The following GPC5 variants were observed in gnomAD, a reference collection of about 807,000 sequenced individuals.
GPC5 encodes the protein glypican-5.
A neutral mutation model predicts 53.9 loss-of-function variants in GPC5; 47 were observed. That is an observed-to-expected ratio of 0.87 (90% CI 0.69 to 1.11). The LOEUF is 1.11. Among genes scored for constraint, GPC5 ranks in the 50% most tolerant of loss-of-function variants. The pLI is 0.00. For synonymous variants in GPC5, 286 were observed against 263.3 expected (o/e 1.09, Z -0.84); for missense variants, 748 against 713.1 (o/e 1.05, Z -0.56).
intron 7 of GPC5, among the ~76,000 whole-genome samples, chr13:92,618,909 G>A (rs567385273): frequency 1.3e-3 from 199 of 151,900 alleles, no homozygotes; most frequent in Non-Finnish European, 2.1e-3. Context: ...AACAATTGAA[G>A]AATTTATTAA....
chr13:91,464,183 C>T (rs1249088761), intron 2 of GPC5, among the ~76,000 whole-genome samples: 2 of 151,972 alleles, frequency 1.3e-5, no homozygotes, highest in Non-Finnish European at 2.9e-5. Flanking sequence ...AATGAGATAT[C>T]ACTACACCCT....
At chr13:91,407,094 A>G (rs1237404276) in intron 1 of GPC5, among the ~76,000 whole-genome samples, 1 of 152,138 alleles carries the variant, frequency 6.6e-6, no homozygotes, top group Non-Finnish European at 1.5e-5. Context: ...ATTGAATCTT[A>G]TTTTTGTAGA....
chr13:92,036,016 C>T (rs1399824413), intron 6 of GPC5, among the ~76,000 whole-genome samples: 1 of 152,110 alleles, frequency 6.6e-6, no homozygotes, highest in Admixed American at 6.5e-5. Flanking sequence ...TTCAAACTGG[C>T]CCCCGGGGTT....
At chr13:92,125,148 G>A (rs191139385) in intron 6 of GPC5, among the ~76,000 whole-genome samples, 15 of 152,198 alleles carry the variant, frequency 9.9e-5, no homozygotes, top group Non-Finnish European at 7.4e-5. Context: ...AGGAACCAAC[G>A]GAGTCTATAG....
At position 91,573,069 on chromosome 13, in the gene GPC5, T is replaced by C. The variant is rs146019622; in HGVS notation, c.326-120118T>C. Among the ~76,000 whole-genome samples the C allele has an allele frequency of 7.4e-3, 1,131 of 152,284 alleles. 20 individuals carry two copies. The highest frequency in any genetic ancestry group is 0.012 in the South Asian group (59 of 4,826). On this transcript the variant is annotated intron_variant, in intron 2 of 7. Transcript: ENST00000377067. The stretch of plus-strand genomic sequence containing the variant: ...GGCCCCTGTTACTTTGATTCTTCAG[T>C]GATCTCCTGATGTTCTGGGAAGAAA...
At chr13:91,793,057 G>T (rs2037992974) in intron 5 of GPC5, among the ~76,000 whole-genome samples, 2 of 152,224 alleles carry the variant, frequency 1.3e-5, no homozygotes, top group Non-Finnish European at 2.9e-5. Flanking sequence ...GTATTAGTCT[G>T]TTCTCATTCT....
intron 6 of GPC5, among the ~76,000 whole-genome samples, chr13:92,057,173 C>T (rs193010656): frequency 2.0e-5 from 3 of 152,234 alleles, no homozygotes; most frequent in East Asian, 1.9e-4. Context: ...CTCTTTCTCC[C>T]TCATAGAAGC....
chr13:92,258,832 A>C (rs1412400612), intron 7 of GPC5, among the ~76,000 whole-genome samples: 1 of 152,154 alleles, frequency 6.6e-6, no homozygotes, highest in Non-Finnish European at 1.5e-5. Flanking sequence ...AGTCCCAACT[A>C]CATGGGAGGC....
chr13:92,519,518 T>C (rs1471838992), intron 7 of GPC5, among the ~76,000 whole-genome samples: 5 of 152,166 alleles, frequency 3.3e-5, no homozygotes, highest in Non-Finnish European at 4.4e-5. Context: ...CAACCTGCTC[T>C]TGAATGACTA....
intron 7 of GPC5, among the ~76,000 whole-genome samples, chr13:92,357,081 T>G (rs1385468023): frequency 6.7e-6 from 1 of 148,548 alleles, no homozygotes; most frequent in African/African-American, 2.6e-5. Flanking sequence ...TATTTCATGA[T>G]GTATATGTAC....
rs150419664 is a variant in GPC5 at position 91,918,345 on chromosome 13, T to C, written c.1401+10288T>C. Among the ~76,000 whole-genome samples the C allele has an allele frequency of 3.7e-3, 566 of 152,250 alleles. 8 individuals are homozygous for C. The highest frequency in any genetic ancestry group is 0.013 in the African/African-American group (543 of 41,550). ...TGGGTGAGGACACAGCCAAGCCATA[T>C]CATATATTTTACTATTTTATGAGAA... On this transcript the variant is annotated intron_variant, in intron 6 of 7. Transcript: ENST00000377067.
At chr13:92,565,400 G>A (rs892482166) in intron 7 of GPC5, among the ~76,000 whole-genome samples, 3 of 151,928 alleles carry the variant, frequency 2.0e-5, no homozygotes, top group African/African-American at 7.2e-5. Context: ...AAGTGATTAA[G>A]ATCTCCGTCC....
At chr13:92,730,587 C>T (rs1888771679) in intron 7 of GPC5, among the ~76,000 whole-genome samples, 1 of 148,718 alleles carries the variant, frequency 6.7e-6, no homozygotes, top group South Asian at 2.1e-4. Context: ...TCCAGACTTG[C>T]TTTTTTCTTT....
intron 7 of GPC5, among the ~76,000 whole-genome samples, chr13:92,753,909 G>A (rs1874718958): frequency 6.6e-6 from 1 of 152,160 alleles, no homozygotes; most frequent in South Asian, 2.1e-4. Flanking sequence ...ACACTCTGCA[G>A]GATATTATCC....
At chr13:92,547,472 G>A (rs1566287260) in intron 7 of GPC5, among the ~76,000 whole-genome samples, 4 of 152,138 alleles carry the variant, frequency 2.6e-5, no homozygotes, top group Admixed American at 1.3e-4. Context: ...TGGACGGAAG[G>A]AAGTCTCCTT....
At chr13:92,451,088 T>C (rs1594213024) in intron 7 of GPC5, among the ~76,000 whole-genome samples, 2 of 152,294 alleles carry the variant, frequency 1.3e-5, no homozygotes, top group South Asian at 2.1e-4. Context: ...GTGATTTTAA[T>C]AGAAATATGT....
At chr13:91,853,179 A>T (rs1438515651) in intron 5 of GPC5, among the ~76,000 whole-genome samples, 1 of 152,118 alleles carries the variant, frequency 6.6e-6, no homozygotes, top group Admixed American at 6.6e-5. Flanking sequence ...TTGATATTAA[A>T]TTGAAAGATG....
intron 3 of GPC5, among the ~76,000 whole-genome samples, chr13:91,722,234 G>C (rs2036489354): frequency 6.6e-6 from 1 of 152,214 alleles, no homozygotes; most frequent in Admixed American, 6.5e-5. Context: ...GACTTTGAGA[G>C]AGCTCAGTCT....
At chr13:91,664,476 T>G (rs887986671) in intron 2 of GPC5, among the ~76,000 whole-genome samples, 11 of 152,338 alleles carry the variant, frequency 7.2e-5, no homozygotes, top group African/African-American at 2.4e-4. Flanking sequence ...AGTGTTTAAT[T>G]TTTCTGTTTT....
Sources: gnomAD v4.1 joint callset for allele counts (sites outside exome capture counted in the v4.1 genomes callset) on GRCh38, gnomAD v4.1.1 for gene constraint, MANE v1.5 for transcripts, NCBI Gene and HGNC (gene_info 2026-07-23, HGNC 2026-07-21) for gene names.